KCNH7: variants seen among roughly 807,000 people sequenced by gnomAD.
KCNH7 encodes the protein voltage-gated inwardly rectifying potassium channel KCNH7.
KCNH7 carries 49 observed loss-of-function variants against 120.8 expected under a neutral mutation model. The ratio of observed to expected loss-of-function variants is 0.41; its 90% CI spans 0.32 to 0.51. KCNH7 has a LOEUF of 0.51. Among genes scored for constraint, KCNH7 ranks in the 20% least tolerant of loss-of-function variants. The pLI is 0.38. For missense variants in KCNH7, 1,097 were observed against 1,446.6 expected (o/e 0.76, Z 3.92); for synonymous variants, 547 against 516.1 (o/e 1.06, Z -0.81).
At chr2:162,636,076 A>T (rs1401283565) in intron 2 of KCNH7, among the ~76,000 whole-genome samples, 1 of 152,064 alleles carries the variant, frequency 6.6e-6, no homozygotes, top group Non-Finnish European at 1.5e-5. Flanking sequence ...TTTAGTATCT[A>T]TGCATAAAAT....
chr2:162,491,105 C>G (rs1342403833), intron 6 of KCNH7, among the ~76,000 whole-genome samples: 8 of 152,196 alleles, frequency 5.3e-5, no homozygotes, highest in Admixed American at 5.2e-4. Flanking sequence ...CCTCATGCAG[C>G]CTGTTGGCCA....
At chr2:162,602,948 CTT>C (rs569735028) in intron 2 of KCNH7, among the ~76,000 whole-genome samples, 19 of 135,034 alleles carry the variant, frequency 1.4e-4, no homozygotes, top group African/African-American at 1.3e-4. Context: ...AGCTGGAGGA[CTT>C]TTTTTTTTTT....
intron 2 of KCNH7, among the ~76,000 whole-genome samples, chr2:162,790,760 A>T (rs1683904001): frequency 6.6e-6 from 1 of 152,132 alleles, no homozygotes; most frequent in Non-Finnish European, 1.5e-5. Flanking sequence ...TATGCATAAA[A>T]GGCATTTGAC....
chr2:162,394,637 T>G, intron 11 of KCNH7, 152 bp from the exon 12 acceptor site: 1 of 588,768 alleles, frequency 1.7e-6, no homozygotes, highest in South Asian at 2.1e-5. Context: ...CCTTGCTTAA[T>G]ACTTGTCTCT....
intron 7 of KCNH7, among the ~76,000 whole-genome samples, chr2:162,436,646 T>C (rs1688248015): frequency 6.6e-6 from 1 of 152,160 alleles, no homozygotes; most frequent in South Asian, 2.1e-4. Context: ...CAATCAATTA[T>C]TGAGTTATTT....
chr2:162,727,175 A>C (rs1203943046), intron 2 of KCNH7, among the ~76,000 whole-genome samples: 1 of 152,192 alleles, frequency 6.6e-6, no homozygotes, highest in Non-Finnish European at 1.5e-5. Context: ...GGACAGCTTA[A>C]TAGCTTTTAT....
At chr2:162,672,099 C>T (rs1420918281) in intron 2 of KCNH7, among the ~76,000 whole-genome samples, 1 of 151,950 alleles carries the variant, frequency 6.6e-6, no homozygotes, top group African/African-American at 2.4e-5. Context: ...AATTCATTAT[C>T]GTTGTGGGAG....
rs763315481 is a variant in KCNH7, at chr2:162,446,218, T to C, written c.1354A>G (p.Asn452Asp). The change falls in exon 7 of 16, where the codon AAT becomes GAT. Residue 452 changes from asparagine (N) to aspartate (D), a missense_variant. Asn to Asp is a conservative substitution (Grantham distance 23, BLOSUM62 1). Transcript: ENST00000332142. Reference sequence around the variant, plus strand: ...ATATCCACAATCAAGTCTACCACATTCAAAGGGCTACAAGAATAGCCACAT... The same window carrying C: ...ATATCCACAATCAAGTCTACCACATCCAAAGGGCTACAAGAATAGCCACAT... ...RECGYSCSPLNVVDLIVDIMF... is the reference protein window; with the variant it reads ...RECGYSCSPLDVVDLIVDIMF... 1 of 1,613,776 alleles carries C rather than the reference T, an allele frequency of 6.2e-7. No individual in the cohort carries two copies. Among genetic ancestry groups the C allele is most frequent in the Non-Finnish European group, 8.5e-7 (1 of 1,179,726 alleles).
chr2:162,455,258 A>G (rs1688921130), intron 6 of KCNH7, among the ~76,000 whole-genome samples: 1 of 152,120 alleles, frequency 6.6e-6, no homozygotes, highest in Non-Finnish European at 1.5e-5. Flanking sequence ...CATATGTTGA[A>G]CCAGCCTTGC....
intron 6 of KCNH7, among the ~76,000 whole-genome samples, chr2:162,474,300 G>T (rs745803084): frequency 1.1e-4 from 16 of 152,270 alleles, no homozygotes; most frequent in Admixed American, 3.3e-4. Flanking sequence ...TATATAAAGG[G>T]TCATAATAAG....
chr2:162,610,327 ATT>A (rs5835913), intron 2 of KCNH7, among the ~76,000 whole-genome samples: 2 of 151,654 alleles, frequency 1.3e-5, no homozygotes, highest in African/African-American at 2.4e-5. Context: ...CTAAATGAGG[ATT>A]TTTTTTTCTT....
At chr2:162,716,235 G>A (rs1263115446) in intron 2 of KCNH7, among the ~76,000 whole-genome samples, 1 of 151,962 alleles carries the variant, frequency 6.6e-6, no homozygotes, top group African/African-American at 2.4e-5. Flanking sequence ...GTGAAACAAG[G>A]CTCTCGTAGT....
intron 2 of KCNH7, among the ~76,000 whole-genome samples, chr2:162,561,499 A>T (rs1210915707): frequency 1.3e-5 from 2 of 151,892 alleles, no homozygotes; most frequent in African/African-American, 4.8e-5. Flanking sequence ...ACTAATTCAC[A>T]CTCCCACCAA....
chr2:162,506,664 A>G (rs1690893164), intron 5 of KCNH7, among the ~76,000 whole-genome samples: 1 of 151,832 alleles, frequency 6.6e-6, no homozygotes, highest in East Asian at 1.9e-4. Flanking sequence ...CAAATTGTCC[A>G]CAGAGTTATT....
chr2:162,814,762 T>TTA (rs1684860474), intron 2 of KCNH7, among the ~76,000 whole-genome samples: 1 of 152,204 alleles, frequency 6.6e-6, no homozygotes, highest in African/African-American at 2.4e-5. Context: ...CCTCTTGAAC[T>TTA]TATGCTTGTC....
chr2:162,797,128 T>C (rs1559138692), intron 2 of KCNH7: 1 of 152,102 alleles, frequency 6.6e-6, no homozygotes, highest in Non-Finnish European at 1.5e-5. Context: ...CTACAGAAGT[T>C]TGACAACCCC....
chr2:162,646,797 C>T (rs534421888), intron 2 of KCNH7, among the ~76,000 whole-genome samples: 6 of 152,158 alleles, frequency 3.9e-5, no homozygotes, highest in Non-Finnish European at 7.3e-5. Context: ...ATGCTGCCAA[C>T]AACCTGAATA....
At chr2:162,781,614 T>C (rs1242000449) in intron 2 of KCNH7, among the ~76,000 whole-genome samples, 1 of 152,124 alleles carries the variant, frequency 6.6e-6, no homozygotes, top group African/African-American at 2.4e-5. Flanking sequence ...AGTAAAGGTG[T>C]TTTTGGATTT....
chr2:162,565,356 C>T (rs768652497), intron 2 of KCNH7, among the ~76,000 whole-genome samples: 2 of 151,940 alleles, frequency 1.3e-5, no homozygotes, highest in Non-Finnish European at 2.9e-5. Flanking sequence ...TCTCCATTTA[C>T]GTAAGTTAGA....
Sources: gnomAD v4.1 joint callset for allele counts (sites outside exome capture counted in the v4.1 genomes callset) on GRCh38, gnomAD v4.1.1 for gene constraint, MANE v1.5 for transcripts, NCBI Gene and HGNC (gene_info 2026-07-23, HGNC 2026-07-21) for gene names.